Variants in EPM2A observed in about 807,000 individuals in gnomAD.
EPM2A encodes the protein EPM2A glucan phosphatase, laforin.
Under a neutral mutation model 26.5 loss-of-function variants are expected in EPM2A, and 21 were observed. That is an observed-to-expected ratio of 0.79 (90% confidence interval 0.56 to 1.14). The LOEUF (loss-of-function observed/expected upper bound fraction) is 1.14, where lower values mean the gene tolerates loss of function less well. Among genes scored for constraint, EPM2A ranks in the 50% most tolerant of loss-of-function variants. EPM2A has a pLI of 0.00. For missense variants in EPM2A, 458 were observed against 440.8 expected, an observed-to-expected ratio of 1.04 and a Z score of -0.35; for synonymous variants, 217 against 177.6, an observed-to-expected ratio of 1.22 and a Z score of -1.76.
chr6:145,487,494 G>T (rs997802703), intron 4 of EPM2A, among the ~76,000 whole-genome samples: 1 of 152,012 alleles, frequency 6.6e-6, no homozygotes, highest in African/African-American at 2.4e-5. Context: ...CTGCAACATC[G>T]CCAGCATCTG....
chr6:145,491,241 G>A (rs917159923), intron 4 of EPM2A: 2 of 376,016 alleles, frequency 5.3e-6, no homozygotes, highest in African/African-American at 4.2e-5. Flanking sequence ...CAGGGGCTGG[G>A]GCTAGCCGGC....
chr6:145,663,539 T>C (rs1412740040), intron 2 of EPM2A, among the ~76,000 whole-genome samples: 1 of 152,146 alleles, frequency 6.6e-6, no homozygotes, highest in Non-Finnish European at 1.5e-5. Context: ...TACGTCTGAT[T>C]GGTGTACCTG....
intron 2 of EPM2A, among the ~76,000 whole-genome samples, chr6:145,578,305 T>C (rs1194433604): frequency 6.6e-6 from 1 of 151,952 alleles, no homozygotes; most frequent in African/African-American, 2.4e-5. Flanking sequence ...CCAGACTAAC[T>C]TGAAATACAA....
At chr6:145,651,328 T>C (rs1777865445) in intron 2 of EPM2A, among the ~76,000 whole-genome samples, 1 of 152,234 alleles carries the variant, frequency 6.6e-6, no homozygotes, top group Admixed American at 6.5e-5. Context: ...TAGACTACAA[T>C]ATACTTCAAG....
intron 2 of EPM2A, among the ~76,000 whole-genome samples, chr6:145,508,409 A>G (rs1216802161): frequency 6.6e-6 from 1 of 152,214 alleles, no homozygotes; most frequent in Non-Finnish European, 1.5e-5. Flanking sequence ...TACACCTCCA[A>G]ATAAAAGTAA....
intron 4 of EPM2A, among the ~76,000 whole-genome samples, chr6:145,417,946 A>G (rs952716363): frequency 1.3e-5 from 2 of 152,046 alleles, no homozygotes; most frequent in Non-Finnish European, 2.9e-5. Flanking sequence ...CCCCATCACC[A>G]AGATGGAAAC....
At chr6:145,562,102 A>G (rs1345114411) in intron 2 of EPM2A, among the ~76,000 whole-genome samples, 1 of 149,704 alleles carries the variant, frequency 6.7e-6, no homozygotes, top group East Asian at 2.0e-4. Flanking sequence ...TGCAAAAAAA[A>G]CTAGCTTTCT....
intron 2 of EPM2A, among the ~76,000 whole-genome samples, chr6:145,664,795 G>A (rs1174392838): frequency 6.6e-6 from 1 of 151,854 alleles, no homozygotes. Context: ...TAAAAGAACA[G>A]AAATTATAAC....
chr6:145,409,177 A>G (rs757815848), intron 4 of EPM2A, among the ~76,000 whole-genome samples: 23 of 152,164 alleles, frequency 1.5e-4, no homozygotes, highest in Non-Finnish European at 2.5e-4. Flanking sequence ...AAATAAATTG[A>G]TGCAAGCTGT....
rs546886712 is a variant in EPM2A at position 145,495,342 on chromosome 6, T to C, written c.555+7180A>G. 1.3e-4 allele frequency among the ~76,000 whole-genome samples: 20 copies of C among 151,642 alleles called. No homozygotes were observed. In the South Asian group the frequency reaches 4.0e-3, roughly 30 times the overall value. On this transcript the variant is annotated intron_variant, in intron 4 of 4. Coordinates refer to the EPM2A transcript ENST00000638717. Reference sequence around the variant, plus strand: ...TTTTTTCTGTTTTCCATTTGCTTGGTAAATTTTCCTTCATCCTTTTATTTT... The same window carrying C: ...TTTTTTCTGTTTTCCATTTGCTTGGCAAATTTTCCTTCATCCTTTTATTTT...
chr6:145,595,352 C>G (rs1781328236), intron 2 of EPM2A, among the ~76,000 whole-genome samples: 1 of 151,436 alleles, frequency 6.6e-6, no homozygotes, highest in Non-Finnish European at 1.5e-5. Flanking sequence ...TGATAGAGGC[C>G]TATTCTCCAA....
At chr6:145,489,778 C>T in intron 4 of EPM2A, 1 of 1,444,130 alleles carries the variant, frequency 6.9e-7, no homozygotes. Context: ...TCTCTCTTCT[C>T]TCGGTTCATA....
intron 4 of EPM2A, among the ~76,000 whole-genome samples, chr6:145,470,143 T>C (rs1329533354): frequency 6.6e-6 from 1 of 152,070 alleles, no homozygotes; most frequent in Non-Finnish European, 1.5e-5. Flanking sequence ...TCAACAATAA[T>C]TTATTGTATA....
At chr6:145,553,039 G>A (rs1055285234) in intron 2 of EPM2A, among the ~76,000 whole-genome samples, 30 of 152,046 alleles carry the variant, frequency 2.0e-4, no homozygotes, top group Non-Finnish European at 3.7e-4. Flanking sequence ...ATCCCCACGT[G>A]TCAAGGATGA....
In EPM2A at chr6:145,550,251, G is replaced by C. The variant is rs116621521; in HGVS notation, c.341-47676C>G. Among the ~76,000 whole-genome samples, 757 of 152,146 alleles carry C rather than the reference G, an allele frequency of 5.0e-3. 4 individuals carry two copies. Among genetic ancestry groups the C allele is most frequent in the African/African-American group, 0.018 (737 of 41,524 alleles). ...CCCTTCCCAGGAATTTTATTAACCAGGGTCAGGGGATTAACTTGGACCACA... is the reference window on the plus strand; with the variant it reads ...CCCTTCCCAGGAATTTTATTAACCACGGTCAGGGGATTAACTTGGACCACA... On this transcript the variant is annotated intron_variant, in intron 2 of 3. Coordinates refer to the EPM2A transcript ENST00000450221.
chr6:145,638,273 T>C (rs146195129), intron 2 of EPM2A: 2 of 152,292 alleles, frequency 1.3e-5, no homozygotes, highest in East Asian at 1.9e-4. Flanking sequence ...GAATAGTTCA[T>C]AGAGATACAC....
At chr6:145,454,332 A>C (rs1421178738) in intron 4 of EPM2A, among the ~76,000 whole-genome samples, 1 of 152,206 alleles carries the variant, frequency 6.6e-6, no homozygotes. Context: ...AAAGCCCCGC[A>C]ATATTCTAAT....
intron 2 of EPM2A, among the ~76,000 whole-genome samples, chr6:145,614,090 C>G (rs1775454937): frequency 6.6e-6 from 1 of 152,248 alleles, no homozygotes; most frequent in South Asian, 2.1e-4. Context: ...ATGATCTTAG[C>G]TAGGTCTTCC....
At chr6:145,543,207 T>C (rs1044022931) in intron 2 of EPM2A, among the ~76,000 whole-genome samples, 6 of 151,924 alleles carry the variant, frequency 3.9e-5, no homozygotes, top group Non-Finnish European at 7.4e-5. Context: ...AAGCAAAGGA[T>C]GCTCTTTTTT....
Sources: allele counts gnomAD v4.1 joint callset (sites outside exome capture counted in the v4.1 genomes callset), GRCh38; gene constraint gnomAD v4.1.1; transcripts MANE v1.5; gene names NCBI Gene and HGNC (gene_info 2026-07-23, HGNC 2026-07-21).